Variants in SLC35F3 observed in about 807,000 individuals in gnomAD.
SLC35F3 encodes solute carrier family 35 member F3.
In SLC35F3, 25 loss-of-function variants were observed where a neutral mutation model predicts 49.9. That is an observed-to-expected ratio of 0.50 (90% CI 0.37 to 0.70). The LOEUF is 0.70. Among genes scored for constraint, SLC35F3 ranks in the 30% least tolerant of loss-of-function variants. The probability of loss-of-function intolerance (pLI) is 0.00; values close to 1 mark genes in which losing one functional copy is unlikely to be tolerated. For synonymous variants in SLC35F3, 275 were observed against 265.4 expected, an observed-to-expected ratio of 1.04 and a Z score of -0.35; for missense variants, 525 against 639.8, an observed-to-expected ratio of 0.82 and a Z score of 1.94.
intron 3 of SLC35F3, among the ~76,000 whole-genome samples, chr1:234,296,238 A>G (rs1668590957): frequency 6.6e-6 from 1 of 152,148 alleles, no homozygotes; most frequent in African/African-American, 2.4e-5. Context: ...GCCCATCTCC[A>G]GCTTGCTCTT....
intron 3 of SLC35F3, among the ~76,000 whole-genome samples, chr1:234,258,500 G>C (rs566439683): frequency 6.6e-6 from 1 of 152,350 alleles, no homozygotes; most frequent in South Asian, 2.1e-4. Context: ...CTATGCCTAG[G>C]TCTTAGTGGA....
intron 2 of SLC35F3, among the ~76,000 whole-genome samples, chr1:233,991,941 A>G (rs1319024151): frequency 2.0e-5 from 3 of 152,240 alleles, no homozygotes; most frequent in Non-Finnish European, 4.4e-5. Context: ...TTCCTAACAC[A>G]AAGAAAAAGA....
intron 2 of SLC35F3, among the ~76,000 whole-genome samples, chr1:234,140,366 T>G (rs1437818591): frequency 6.6e-6 from 1 of 152,318 alleles, no homozygotes; most frequent in East Asian, 1.9e-4. Context: ...AATTTTATTA[T>G]AGGATATTAT....
chr1:234,126,732 C>A (rs1665654273), intron 2 of SLC35F3, among the ~76,000 whole-genome samples: 1 of 152,000 alleles, frequency 6.6e-6, no homozygotes. Context: ...GCTCTGTCAC[C>A]CAGGCTGGAG....
At chr1:234,262,582 T>C (rs1382823262) in intron 3 of SLC35F3, among the ~76,000 whole-genome samples, 2 of 152,058 alleles carry the variant, frequency 1.3e-5, no homozygotes, top group South Asian at 2.1e-4. Context: ...CCCTTCCTGG[T>C]CCTCCGGAGG....
In SLC35F3 at chr1:234,251,447, C is replaced by G. The variant is rs139628208; in HGVS notation, c.608+19706C>G. 1.3e-3 allele frequency among the ~76,000 whole-genome samples: 172 copies of G among 130,168 alleles called. 2 individuals carry two copies. The East Asian group carries it at 0.026, about 20-fold the overall frequency. The allele number at this position is 130,168 out of a possible 152,430, so 85.4% of individuals were successfully genotyped here. On this transcript the variant is annotated intron_variant, in intron 3 of 7. Coordinates refer to ENST00000366618, the MANE Select transcript of SLC35F3 (RefSeq NM_173508.4). ...AACTATATATATAGAAGAAAAGAGC[C>G]CATTTACAAACTAAACCAAAAAAAA... is the stretch of plus-strand genomic sequence containing the variant.
At chr1:233,922,230 A>G (rs1045723007) in intron 2 of SLC35F3, among the ~76,000 whole-genome samples, 1 of 152,184 alleles carries the variant, frequency 6.6e-6, no homozygotes, top group African/African-American at 2.4e-5. Context: ...GTCTTCCACA[A>G]TGGTTGAACT....
Position 233,947,751 on chromosome 1 carries a change from G to GGAGA in SLC35F3, c.283+42010_283+42013dup, listed in dbSNP as rs149887381. On this transcript the variant is annotated intron_variant, in intron 2 of 7. Transcript: ENST00000366618. Reference sequence around the variant, plus strand: ...ATACTCCCTGGGACAGTAAGAGGGAGGAGAGAGAGAGAGAGAGAGAAGAGA... The same window carrying GGAGA: ...ATACTCCCTGGGACAGTAAGAGGGAGGAGAGAGAGAGAGAGAGAGAGAGAAGAGA... Among the ~76,000 whole-genome samples the GGAGA allele has an allele frequency of 8.2e-5, 12 of 147,018 alleles. 1 individual carries two copies. The highest frequency in any genetic ancestry group is 2.7e-4 in the African/African-American group (11 of 40,298).
chr1:234,217,468 C>A (rs1012869495), intron 2 of SLC35F3, among the ~76,000 whole-genome samples: 2 of 152,164 alleles, frequency 1.3e-5, no homozygotes, highest in African/African-American at 4.8e-5. Flanking sequence ...GTAGTAAGTT[C>A]TGGTATCGAA....
chr1:234,161,024 G>A (rs1347020555), intron 2 of SLC35F3, among the ~76,000 whole-genome samples: 2 of 152,220 alleles, frequency 1.3e-5, no homozygotes, highest in East Asian at 1.9e-4. Flanking sequence ...CCATTTCTGT[G>A]ACCCTCAGTG....
chr1:233,984,066 C>A (rs887291769), intron 2 of SLC35F3, among the ~76,000 whole-genome samples: 1 of 152,200 alleles, frequency 6.6e-6, no homozygotes, highest in African/African-American at 2.4e-5. Flanking sequence ...TATGTTTCTC[C>A]TCTATGCTTT....
At chr1:234,179,056 G>A (rs1666518935) in intron 2 of SLC35F3, among the ~76,000 whole-genome samples, 1 of 152,108 alleles carries the variant, frequency 6.6e-6, no homozygotes, top group African/African-American at 2.4e-5. Flanking sequence ...GTGTGATACA[G>A]GCAGCCCCAG....
At chr1:234,232,535 A>AAAAAAAAAG (rs1558268167) in intron 3 of SLC35F3, among the ~76,000 whole-genome samples, 1 of 144,750 alleles carries the variant, frequency 6.9e-6, no homozygotes, top group Non-Finnish European at 1.5e-5. Flanking sequence ...AAAAAAAAAA[A>AAAAAAAAAG]AAAAAGAAAA....
chr1:234,152,133 A>G (rs1301630272), intron 2 of SLC35F3, among the ~76,000 whole-genome samples: 8 of 151,716 alleles, frequency 5.3e-5, no homozygotes, highest in Admixed American at 5.3e-4. Flanking sequence ...TAGGAAAAAA[A>G]AGTGTATATG....
At chr1:233,905,413 C>A in intron 1 of SLC35F3, 116 bp from the exon 2 acceptor site, 1 of 829,064 alleles carries the variant, frequency 1.2e-6, no homozygotes, top group Non-Finnish European at 1.8e-6. Context: ...CGCTCGCCCC[C>A]GGAGGGCCCC....
chr1:233,955,219 T>C (rs560625043), intron 2 of SLC35F3, among the ~76,000 whole-genome samples: 2 of 152,352 alleles, frequency 1.3e-5, no homozygotes, highest in South Asian at 2.1e-4. Flanking sequence ...TGCAACAGAA[T>C]TGATTCTCAA....
chr1:234,176,162 G>A (rs932523060), intron 2 of SLC35F3, among the ~76,000 whole-genome samples: 4 of 152,154 alleles, frequency 2.6e-5, no homozygotes, highest in Admixed American at 6.5e-5. Flanking sequence ...AGTTCCGCAT[G>A]AAACAAATTC....
chr1:233,988,512 G>A (rs1001667539), intron 2 of SLC35F3, among the ~76,000 whole-genome samples: 2 of 152,154 alleles, frequency 1.3e-5, no homozygotes, highest in Admixed American at 6.6e-5. Context: ...AGAAGTGCCT[G>A]GTGCTATTCG....
chr1:234,178,573 C>A lies in SLC35F3; in HGVS notation c.284-52844C>A, dbSNP rs574490475. Among the ~76,000 whole-genome samples the A allele has an allele frequency of 6.6e-5, 10 of 152,294 alleles. No individual in the cohort carries two copies. In the South Asian group the frequency reaches 2.1e-3, roughly 32 times the overall value. ...CCCGCACAGCCTGCCACACTGTCAG[C>A]ATCCCCCAGTGGTGTGCTGCATTTG... On this transcript the variant is annotated intron_variant, in intron 2 of 7. Transcript: ENST00000366618.
Sources: allele counts gnomAD v4.1 joint callset (sites outside exome capture counted in the v4.1 genomes callset), GRCh38; gene constraint gnomAD v4.1.1; transcripts MANE v1.5; gene names NCBI Gene and HGNC (gene_info 2026-07-23, HGNC 2026-07-21).